PPP2R3A: variants seen among roughly 807,000 people sequenced by gnomAD.
PPP2R3A encodes protein phosphatase 2 regulatory subunit B''alpha.
PPP2R3A carries 80 observed loss-of-function variants against 106.9 expected under a neutral mutation model. The ratio of observed to expected loss-of-function variants is 0.75; its 90% CI spans 0.62 to 0.90. PPP2R3A has a LOEUF of 0.90. PPP2R3A is among the 40% of genes least tolerant of loss of function. The pLI, the probability that PPP2R3A is intolerant of heterozygous loss-of-function variation, is 0.00. For synonymous variants in PPP2R3A, 483 were observed against 468.3 expected (o/e 1.03, Z -0.41); for missense variants, 1,386 against 1,350.4 (o/e 1.03, Z -0.41).
chr3:136,082,841 C>T (rs560026133), intron 8 of PPP2R3A, among the ~76,000 whole-genome samples: 4 of 152,142 alleles, frequency 2.6e-5, no homozygotes, highest in Non-Finnish European at 4.4e-5. Context: ...GTTTTATTTT[C>T]AAGGACTCAC....
intron 13 of PPP2R3A, among the ~76,000 whole-genome samples, chr3:136,118,586 G>A (rs1937870308): frequency 6.6e-6 from 1 of 152,002 alleles, no homozygotes; most frequent in South Asian, 2.1e-4. Context: ...ACCAATAACA[G>A]ACAAACAGAG....
chr3:136,117,337 C>T (rs1937805695), intron 13 of PPP2R3A, among the ~76,000 whole-genome samples: 1 of 151,978 alleles, frequency 6.6e-6, no homozygotes, highest in African/African-American at 2.4e-5. Flanking sequence ...ACTAGAGAAG[C>T]AAGAGCAAAC....
At chr3:136,120,650 A>G (rs1937962049) in intron 13 of PPP2R3A, among the ~76,000 whole-genome samples, 1 of 152,186 alleles carries the variant, frequency 6.6e-6, no homozygotes, top group Admixed American at 6.5e-5. Context: ...GACAACCTGC[A>G]GAATGGGAGA....
chr3:136,116,055 A>G (rs1576322669), intron 13 of PPP2R3A, among the ~76,000 whole-genome samples: 2 of 152,138 alleles, frequency 1.3e-5, no homozygotes, highest in African/African-American at 4.8e-5. Context: ...CTCTGCAGAA[A>G]CCCTACAAGC....
intron 1 of PPP2R3A, 33 bp downstream of exon 1, chr3:135,965,882 A>C (rs965975611): frequency 1.3e-5 from 2 of 148,564 alleles, no homozygotes; most frequent in African/African-American, 5.0e-5. Flanking sequence ...CACGGCCTGG[A>C]GCCTTCAGCT....
At chr3:136,040,827 T>TC in intron 3 of PPP2R3A, 32 bp from the exon 4 acceptor site, 1 of 1,559,714 alleles carries the variant, frequency 6.4e-7, no homozygotes, top group Non-Finnish European at 8.7e-7. Context: ...CATTCCCTGT[T>TC]GGCTTACCCT....
intron 4 of PPP2R3A, among the ~76,000 whole-genome samples, chr3:136,043,652 C>T (rs920129138): frequency 1.3e-5 from 2 of 152,152 alleles, no homozygotes; most frequent in African/African-American, 4.8e-5. Flanking sequence ...TGCTCCATAG[C>T]ATTTCTTTTT....
At position 136,001,698 on chromosome 3, in the gene PPP2R3A, A is replaced by G. The variant is rs9814557; in HGVS notation, c.200A>G (p.Asp67Gly). Residue 67 changes from aspartate to glycine, a missense_variant, in exon 2 of 14, where the codon GAT (aspartate) becomes GGT (glycine). Transcript: ENST00000264977. ...HIPVSQFKDA[D>G]LNSMFLPHEN... is the part of the protein sequence containing the mutation. ...CCTGTGTCTCAGTTCAAAGATGCAG[A>G]TCTGAACTCTATGTTTCTACCCCAT... 0.29 allele frequency: 471,496 copies of G among 1,613,762 alleles called. 73,912 individuals are homozygous for G. The highest frequency in any genetic ancestry group is 0.32 in the Non-Finnish European group (378,943 of 1,179,822).
At chr3:136,018,968 C>T (rs1934371485) in intron 2 of PPP2R3A, among the ~76,000 whole-genome samples, 1 of 152,190 alleles carries the variant, frequency 6.6e-6, no homozygotes, top group Admixed American at 6.5e-5. Flanking sequence ...ACAGCTGGAT[C>T]TCAAATTAAC....
chr3:136,003,477 C>A lies in PPP2R3A; in HGVS notation c.1979C>A (p.Thr660Asn), dbSNP rs763816908. The A allele has an allele frequency of 1.5e-5, 24 of 1,606,068 alleles. No homozygotes were observed. The highest frequency in any genetic ancestry group is 2.0e-5 in the Non-Finnish European group (23 of 1,176,828). The change falls in exon 2 of 14, where the codon ACT becomes AAT. Residue 660 changes from threonine to asparagine, a missense_variant. Transcript: ENST00000264977. ...ACTTCAGCAGTTTTGATTCAGCAGA[C>A]TCCAGAGGTGATCAAGGTAAGACCC... ...DTTSAVLIQQTPEVIKIQNKP... is the reference protein window; with the variant it reads ...DTTSAVLIQQNPEVIKIQNKP...
At chr3:136,044,052 A>C (rs570354488) in intron 4 of PPP2R3A, among the ~76,000 whole-genome samples, 1 of 152,316 alleles carries the variant, frequency 6.6e-6, no homozygotes, top group African/African-American at 2.4e-5. Context: ...TTTTATATAT[A>C]TAAGTAGTTC....
chr3:135,972,216 A>G (rs1439862610), intron 1 of PPP2R3A, among the ~76,000 whole-genome samples: 1 of 152,198 alleles, frequency 6.6e-6, no homozygotes, highest in Non-Finnish European at 1.5e-5. Flanking sequence ...TATAAATGGA[A>G]TCATACAATA....
At chr3:136,073,365 A>T (rs1404020441) in intron 6 of PPP2R3A, among the ~76,000 whole-genome samples, 1 of 152,246 alleles carries the variant, frequency 6.6e-6, no homozygotes, top group East Asian at 1.9e-4. Context: ...TGTTAATAAT[A>T]GTTGAACAAA....
chr3:136,114,163 A>C (rs4678361), intron 13 of PPP2R3A, among the ~76,000 whole-genome samples: 4 of 151,868 alleles, frequency 2.6e-5, no homozygotes, highest in Non-Finnish European at 5.9e-5. Flanking sequence ...AGCAGAAGGG[A>C]TCAGGGAATT....
chr3:136,078,919 T>G (rs1253966957), intron 7 of PPP2R3A, among the ~76,000 whole-genome samples: 1 of 152,204 alleles, frequency 6.6e-6, no homozygotes, highest in African/African-American at 2.4e-5. Flanking sequence ...TTTCATTCAA[T>G]TATTTTATTC....
rs370577918 is a variant in PPP2R3A at position 136,056,405 on chromosome 3, T to G, written c.2469+7044T>G. On this transcript the variant is annotated intron_variant, in intron 5 of 13. Coordinates refer to ENST00000264977, the MANE Select transcript of PPP2R3A (RefSeq NM_002718.5). The stretch of plus-strand genomic sequence containing the variant: ...ATAGTAAGTGTAAGGTGTTAATAAT[T>G]GAGGAATCTGGGCGCAGGGTATATG... Among the ~76,000 whole-genome samples, 20 of 152,244 alleles carry G rather than the reference T, an allele frequency of 1.3e-4. 1 individual carries two copies. The East Asian group carries it at 3.1e-3, about 24-fold the overall frequency.
chr3:135,982,229 C>G (rs995052689), intron 1 of PPP2R3A, among the ~76,000 whole-genome samples: 1 of 149,234 alleles, frequency 6.7e-6, no homozygotes, highest in Non-Finnish European at 1.5e-5. Flanking sequence ...AAGTTCATAG[C>G]AAGACATCTG....
At chr3:136,136,073 ATTATATAT>A (rs1169108479) in intron 13 of PPP2R3A, among the ~76,000 whole-genome samples, 3 of 17,788 alleles carry the variant, frequency 1.7e-4, no homozygotes, top group Admixed American at 9.6e-4. Context: ...AAAAAAAAAA[ATTATATAT>A]ATATATATAT....
chr3:135,991,715 A>G (rs1218671783), intron 1 of PPP2R3A, among the ~76,000 whole-genome samples: 1 of 152,188 alleles, frequency 6.6e-6, no homozygotes, highest in East Asian at 1.9e-4. Context: ...TCCTGAAGAA[A>G]AGATAAAATC....
Sources: gnomAD v4.1 joint callset for allele counts (sites outside exome capture counted in the v4.1 genomes callset) on GRCh38, gnomAD v4.1.1 for gene constraint, MANE v1.5 for transcripts, NCBI Gene and HGNC (gene_info 2026-07-23, HGNC 2026-07-21) for gene names.